MVB12B: variants seen among roughly 807,000 people sequenced by gnomAD.
MVB12B encodes the protein ESCRT-I complex subunit MVB12B.
A neutral mutation model predicts 41.6 loss-of-function variants in MVB12B; 16 were observed. The observed-to-expected ratio is 0.38, with a 90% CI of 0.26 to 0.58. The LOEUF is 0.58. Among genes scored for constraint, MVB12B ranks in the 20% least tolerant of loss-of-function variants. MVB12B has a pLI of 0.62. For synonymous variants in MVB12B, 133 were observed against 139.7 expected (o/e 0.95, Z 0.34); for missense variants, 274 against 380.2 (o/e 0.72, Z 2.32).
chr9:126,505,685 T>C lies in MVB12B; in HGVS notation c.*2422T>C, dbSNP rs964704858. The C allele has an allele frequency of 1.4e-5, 2 of 147,536 alleles. No homozygotes were observed. Among genetic ancestry groups the C allele is most frequent in the African/African-American group, 4.9e-5 (2 of 41,140 alleles). 9.1% of individuals were successfully genotyped at this position (147,536 alleles called of 1,614,324 possible). A position where few individuals can be genotyped will look rare whatever the true frequency, so the allele number is the denominator to read the frequency against. ...GTGTGTGTGTGTGTGTGTGTATATGTGTGTGTGTGCACGCACATGCGTGTG... is the reference window on the plus strand; with the variant it reads ...GTGTGTGTGTGTGTGTGTGTATATGCGTGTGTGTGCACGCACATGCGTGTG... On this transcript the variant is annotated 3_prime_UTR_variant, in exon 10 of 10. Transcript: ENST00000361171.
chr9:126,380,116 G>C (rs1246297953), intron 2 of MVB12B, among the ~76,000 whole-genome samples: 1 of 152,186 alleles, frequency 6.6e-6, no homozygotes, highest in Non-Finnish European at 1.5e-5. Context: ...CCTTCGCGGT[G>C]CTTAAAGGAA....
intron 2 of MVB12B, among the ~76,000 whole-genome samples, chr9:126,373,567 C>G (rs1161293060): frequency 2.0e-5 from 3 of 152,204 alleles, no homozygotes. Flanking sequence ...TGGGTGGGCT[C>G]TCTTGAAACA....
chr9:126,503,151 C>G (rs1347521542), intron 9 of MVB12B, 26 bp from the exon 10 acceptor site: 5 of 1,542,830 alleles, frequency 3.2e-6, no homozygotes, highest in East Asian at 2.4e-5. Flanking sequence ...CTGACTGTGT[C>G]TCTCTGTCCC....
chr9:126,350,289 C>T (rs1301691682), intron 2 of MVB12B, among the ~76,000 whole-genome samples: 2 of 152,134 alleles, frequency 1.3e-5, no homozygotes, highest in African/African-American at 2.4e-5. Flanking sequence ...TCTTTACCTG[C>T]CTTTTCATCT....
chr9:126,392,748 G>A lies in MVB12B; in HGVS notation c.539+553G>A, dbSNP rs1830995948. Among the ~76,000 whole-genome samples the A allele has an allele frequency of 6.6e-6, 1 of 152,244 alleles. No individual in the cohort carries two copies. The highest frequency in any genetic ancestry group is 1.5e-5 in the Non-Finnish European group (1 of 68,052). ...CACTTGAGCAGAGACCTGAATGTCAGGAAACCAGCCATGCACAGATGTGAA... is the reference window on the plus strand; with the variant it reads ...CACTTGAGCAGAGACCTGAATGTCAAGAAACCAGCCATGCACAGATGTGAA... On this transcript the variant is annotated intron_variant, in intron 5 of 9. Transcript: ENST00000361171. The surrounding 1 kb of genome is among the most constrained non-coding windows in gnomAD (Gnocchi z 4.8).
At chr9:126,500,689 C>A (rs1217072332) in intron 9 of MVB12B, among the ~76,000 whole-genome samples, 1 of 152,234 alleles carries the variant, frequency 6.6e-6, no homozygotes, top group African/African-American at 2.4e-5. Context: ...GGCTGATGGC[C>A]TAACTATCCA....
chr9:126,450,463 A>G (rs1832869125), intron 7 of MVB12B, among the ~76,000 whole-genome samples: 1 of 152,192 alleles, frequency 6.6e-6, no homozygotes. Context: ...TTGTCATGTC[A>G]CAGCAGCCTT....
At position 126,506,738 on chromosome 9, in the gene MVB12B, C is replaced by T. The variant is rs7861319; in HGVS notation, c.*3475C>T. The T allele has an allele frequency of 0.26, 40,181 of 152,172 alleles. 5,405 individuals are homozygous for T. Among genetic ancestry groups the T allele is most frequent in the Non-Finnish European group, 0.29 (19,454 of 67,984 alleles). 9.4% of individuals were successfully genotyped at this position (152,172 alleles called of 1,614,324 possible). ...CCTTGCCCCTGGAGGCCACGCCAGG[C>T]GCTCACCCCTGAGCCCACAGCCCCT... is the stretch of plus-strand genomic sequence containing the variant. On this transcript the variant is annotated 3_prime_UTR_variant, in exon 10 of 10. Transcript: ENST00000361171.
chr9:126,457,293 C>T (rs752632286), intron 7 of MVB12B, among the ~76,000 whole-genome samples: 6 of 152,094 alleles, frequency 3.9e-5, no homozygotes, highest in East Asian at 1.9e-4. Context: ...AATAAAGAGA[C>T]GAAGTGTCAC....
intron 2 of MVB12B, among the ~76,000 whole-genome samples, chr9:126,368,238 A>G (rs1054476907): frequency 2.6e-5 from 4 of 152,252 alleles, no homozygotes; most frequent in Non-Finnish European, 4.4e-5. Context: ...AACACAGCCA[A>G]GGCCACACAG....
intron 7 of MVB12B, among the ~76,000 whole-genome samples, chr9:126,441,615 A>G (rs534994107): frequency 1.3e-5 from 2 of 152,350 alleles, no homozygotes; most frequent in East Asian, 3.9e-4. Flanking sequence ...AAAATCCGCA[A>G]TTTGCATTAG....
At chr9:126,481,595 CCCAGTGACAGGAA>C (rs1018946883) in intron 8 of MVB12B, among the ~76,000 whole-genome samples, 171 bp downstream of exon 8, 4 of 152,204 alleles carry the variant, frequency 2.6e-5, no homozygotes, top group Non-Finnish European at 4.4e-5. Flanking sequence ...AACCCTGCAA[CCCAGTGACAGGAA>C]CTCCTGAGGT....
intron 6 of MVB12B, among the ~76,000 whole-genome samples, chr9:126,402,934 G>A (rs992898849): frequency 2.6e-5 from 4 of 152,214 alleles, no homozygotes; most frequent in Non-Finnish European, 5.9e-5. Flanking sequence ...ATCCCGCTGC[G>A]CAAGTGGCAC....
chr9:126,356,913 C>T (rs903855363), intron 2 of MVB12B, among the ~76,000 whole-genome samples: 7 of 151,890 alleles, frequency 4.6e-5, no homozygotes, highest in African/African-American at 1.2e-4. Context: ...AAGCAGATGC[C>T]GGTGCCATGC....
intron 2 of MVB12B, among the ~76,000 whole-genome samples, chr9:126,353,853 C>CATCT (rs1341831652): frequency 2.0e-5 from 3 of 152,150 alleles, no homozygotes; most frequent in African/African-American, 7.2e-5. Flanking sequence ...CCCATTCATA[C>CATCT]ATCTCTGGGT....
chr9:126,485,761 T>TAAAA (rs1219557163), intron 9 of MVB12B, among the ~76,000 whole-genome samples: 1 of 38,144 alleles, frequency 2.6e-5, no homozygotes, highest in Non-Finnish European at 8.0e-5. Context: ...ATTTTCCTAA[T>TAAAA]AAAAAAGAAA....
intron 9 of MVB12B, among the ~76,000 whole-genome samples, chr9:126,487,080 G>GA (rs1833635588): frequency 6.6e-6 from 1 of 152,214 alleles, no homozygotes; most frequent in African/African-American, 2.4e-5. Flanking sequence ...ACCCCCAGGA[G>GA]GTGCAGAGCC....
At chr9:126,501,706 C>G (rs577994602) in intron 9 of MVB12B, among the ~76,000 whole-genome samples, 88 of 152,378 alleles carry the variant, frequency 5.8e-4, no homozygotes, top group Non-Finnish European at 1.1e-3. Context: ...AAAAGGCCTC[C>G]CATGCTCCTT....
At chr9:126,465,325 C>T (rs377742587) in intron 7 of MVB12B, among the ~76,000 whole-genome samples, 4 of 152,202 alleles carry the variant, frequency 2.6e-5, no homozygotes, top group African/African-American at 7.2e-5. Context: ...TTAGAATCAC[C>T]GGGGAGCTTT....
Sources: gnomAD v4.1 joint callset for allele counts (sites outside exome capture counted in the v4.1 genomes callset) on GRCh38, gnomAD v4.1.1 for gene constraint, Gnocchi (gnomAD v3.1) non-coding constraint, MANE v1.5 for transcripts, NCBI Gene and HGNC (gene_info 2026-07-23, HGNC 2026-07-21) for gene names.